Variants in TLK2 observed in about 807,000 individuals in gnomAD.
TLK2 encodes serine/threonine-protein kinase tousled-like 2.
A neutral mutation model predicts 117.3 loss-of-function variants in TLK2; 6 were observed. That is an observed-to-expected ratio of 0.05 (90% CI 0.03 to 0.10). The LOEUF (loss-of-function observed/expected upper bound fraction) is 0.10, where lower values mean the gene tolerates loss of function less well. TLK2 is among the 10% of genes least tolerant of loss of function. The pLI is 1.00. For synonymous variants in TLK2, 257 were observed against 316.7 expected (o/e 0.81, Z 2.00); for missense variants, 299 against 901.2 (o/e 0.33, Z 8.56).
intron 7 of TLK2, chr17:62,551,657 A>T (rs963963768): frequency 6.6e-6 from 1 of 152,178 alleles, no homozygotes; most frequent in African/African-American, 2.4e-5. Flanking sequence ...GTGAGCCCAG[A>T]TCGTGCTACT....
intron 16 of TLK2, among the ~76,000 whole-genome samples, chr17:62,586,578 T>C (rs2081621304): frequency 6.6e-6 from 1 of 152,092 alleles, no homozygotes; most frequent in Non-Finnish European, 1.5e-5. Flanking sequence ...TCCCAGCACT[T>C]TGGGAGGCTG....
intron 6 of TLK2, among the ~76,000 whole-genome samples, chr17:62,534,845 A>T (rs2076997198): frequency 6.9e-6 from 1 of 145,288 alleles, no homozygotes; most frequent in Admixed American, 6.8e-5. Flanking sequence ...TTTGAAAAAC[A>T]TACTCTTCAT....
At chr17:62,597,224 C>T (rs780710693) in intron 17 of TLK2, 14 of 152,354 alleles carry the variant, frequency 9.2e-5, no homozygotes, top group Non-Finnish European at 1.9e-4. Flanking sequence ...TTATAGATTT[C>T]CTATTCTGGA....
At chr17:62,562,291 C>T (rs1031637772) in intron 10 of TLK2, among the ~76,000 whole-genome samples, 1 of 152,056 alleles carries the variant, frequency 6.6e-6, no homozygotes, top group African/African-American at 2.4e-5. Flanking sequence ...ACCTGGGAGG[C>T]GGAGATTGCA....
chr17:62,484,420 C>T (rs1430259623), intron 2 of TLK2, among the ~76,000 whole-genome samples: 1 of 151,884 alleles, frequency 6.6e-6, no homozygotes, highest in Non-Finnish European at 1.5e-5. Context: ...CCTCAGCCTC[C>T]CGAGTAGCTG....
At chr17:62,610,133 T>C (rs1417383255) in intron 21 of TLK2, among the ~76,000 whole-genome samples, 1 of 152,268 alleles carries the variant, frequency 6.6e-6, no homozygotes, top group South Asian at 2.1e-4. Context: ...TATATAACTT[T>C]TGTCAAATTT....
chr17:62,480,142 T>C (rs1358206142), intron 1 of TLK2, among the ~76,000 whole-genome samples: 1 of 152,222 alleles, frequency 6.6e-6, no homozygotes, highest in Non-Finnish European at 1.5e-5. Context: ...TTACTGGAGA[T>C]TGTAGAGTTG....
intron 10 of TLK2, 149 bp from the exon 11 acceptor site, chr17:62,564,852 T>A: frequency 1.1e-6 from 1 of 906,284 alleles, no homozygotes; most frequent in South Asian, 2.3e-5. Flanking sequence ...GAATAGTTAG[T>A]CATCCGAGGA....
intron 2 of TLK2, among the ~76,000 whole-genome samples, chr17:62,485,820 T>G (rs908026857): frequency 6.1e-5 from 9 of 146,936 alleles, no homozygotes; most frequent in Non-Finnish European, 1.1e-4. Context: ...TTTCTGGTTT[T>G]TTTTTTTTTT....
chr17:62,529,317 A>G (rs558677221), intron 6 of TLK2, among the ~76,000 whole-genome samples: 1 of 152,046 alleles, frequency 6.6e-6, no homozygotes, highest in South Asian at 2.1e-4. Flanking sequence ...GCTCACTACA[A>G]CCTCCGCCTC....
chr17:62,559,313 A>AT (rs2079080346), intron 9 of TLK2, among the ~76,000 whole-genome samples: 2 of 151,702 alleles, frequency 1.3e-5, no homozygotes, highest in Non-Finnish European at 2.9e-5. Context: ...AAATTCAGTA[A>AT]TTTTTTTGTA....
rs202208693 is a variant in TLK2, at chr17:62,580,063, G to T, written c.1287-48G>T. Reference sequence around the variant, plus strand: ...TTCTGGGAATTTTGCAAGCGTGGAAGACTGTAGTCCATGATCTCAGGGTGT... The same window carrying T: ...TTCTGGGAATTTTGCAAGCGTGGAATACTGTAGTCCATGATCTCAGGGTGT... On this transcript the variant is annotated intron_variant, in intron 14 of 21. Coordinates refer to ENST00000346027, the MANE Select transcript of TLK2 (RefSeq NM_006852.6). 107 of 1,514,728 alleles carry T rather than the reference G, an allele frequency of 7.1e-5. 1 individual carries two copies. In the African/African-American group the frequency reaches 1.4e-3, roughly 20 times the overall value. 93.8% of individuals were successfully genotyped at this position (1,514,728 alleles called of 1,614,324 possible). A position where few individuals can be genotyped will look rare whatever the true frequency, so the allele number is the denominator to read the frequency against.
At chr17:62,471,450 A>G (rs1263289461) in intron 1 of TLK2, among the ~76,000 whole-genome samples, 1 of 152,222 alleles carries the variant, frequency 6.6e-6, no homozygotes, top group African/African-American at 2.4e-5. Context: ...TAATTAAGGC[A>G]AAAAGGCATC....
At chr17:62,526,121 A>C (rs139728624) in intron 6 of TLK2, among the ~76,000 whole-genome samples, 186 of 152,334 alleles carry the variant, frequency 1.2e-3, no homozygotes, top group African/African-American at 4.3e-3. Flanking sequence ...GCTGAGCCTC[A>C]TCATCATGCA....
intron 2 of TLK2, among the ~76,000 whole-genome samples, chr17:62,491,010 A>T (rs1390031081): frequency 1.3e-5 from 2 of 152,158 alleles, no homozygotes; most frequent in South Asian, 2.1e-4. Context: ...AGCTAAGACA[A>T]CAGGCATGTG....
At chr17:62,496,801 A>G (rs2073737637) in intron 2 of TLK2, among the ~76,000 whole-genome samples, 1 of 151,736 alleles carries the variant, frequency 6.6e-6, no homozygotes, top group Admixed American at 6.6e-5. Flanking sequence ...TAAAAGTACA[A>G]AAAAAATTAG....
At chr17:62,558,277 C>T (rs1598576808) in intron 9 of TLK2, among the ~76,000 whole-genome samples, 1 of 152,016 alleles carries the variant, frequency 6.6e-6, no homozygotes, top group Admixed American at 6.6e-5. Context: ...TCAAGCAATC[C>T]TCAGCCTCCC....
chr17:62,556,328 T>C (rs1437670327), intron 9 of TLK2, among the ~76,000 whole-genome samples: 1 of 152,248 alleles, frequency 6.6e-6, no homozygotes, highest in Non-Finnish European at 1.5e-5. Context: ...TTGTTAGACT[T>C]GTTTATTCAA....
At chr17:62,496,685 G>T (rs1183626341) in intron 2 of TLK2, among the ~76,000 whole-genome samples, 6 of 152,112 alleles carry the variant, frequency 3.9e-5, no homozygotes, top group Non-Finnish European at 7.3e-5. Context: ...GCTGGGCACG[G>T]TGTCTCACGC....
Sources: allele counts gnomAD v4.1 joint callset (sites outside exome capture counted in the v4.1 genomes callset), GRCh38; gene constraint gnomAD v4.1.1; transcripts MANE v1.5; gene names NCBI Gene and HGNC (gene_info 2026-07-23, HGNC 2026-07-21).